Variants in NEBL observed in about 807,000 individuals in gnomAD.
The protein encoded by NEBL is LIM and SH3 protein 2.
Under a neutral mutation model 140.2 loss-of-function variants are expected in NEBL, and 122 were observed. That is an observed-to-expected ratio of 0.87 (90% CI 0.75 to 1.01). The LOEUF is 1.01. Ranked by LOEUF, NEBL falls within the 50% of genes least tolerant of loss-of-function variation. The probability of loss-of-function intolerance (pLI) is 0.00; values close to 1 mark genes in which losing one functional copy is unlikely to be tolerated. For missense variants in NEBL, 1,365 were observed against 1,231.3 expected (o/e 1.11, Z -1.62); for synonymous variants, 436 against 398.9 (o/e 1.09, Z -1.11).
intron 26 of NEBL, among the ~76,000 whole-genome samples, chr10:20,797,069 C>T (rs987705589): frequency 3.9e-5 from 6 of 152,182 alleles, no homozygotes; most frequent in Non-Finnish European, 7.3e-5. Context: ...GACAGAGATG[C>T]TATTTCCACT....
intron 2 of NEBL, among the ~76,000 whole-genome samples, chr10:20,891,627 G>A (rs1387823733): frequency 6.6e-6 from 1 of 152,082 alleles, no homozygotes; most frequent in African/African-American, 2.4e-5. Context: ...TAAGGGTGAG[G>A]TATTTACTTC....
At chr10:20,954,756 G>A (rs987002178) in intron 4 of NEBL, among the ~76,000 whole-genome samples, 1 of 152,160 alleles carries the variant, frequency 6.6e-6, no homozygotes, top group African/African-American at 2.4e-5. Flanking sequence ...AACTTCCCAA[G>A]GCTCTACCCT....
chr10:20,863,031 C>A, intron 7 of NEBL, among the ~76,000 whole-genome samples: 1 of 152,016 alleles, frequency 6.6e-6, no homozygotes, highest in Non-Finnish European at 1.5e-5. Context: ...TAGGATCAAA[C>A]TCCTAGATGT....
chr10:21,192,934 G>A (rs1042646410), intron 3 of NEBL, among the ~76,000 whole-genome samples: 2 of 152,018 alleles, frequency 1.3e-5, no homozygotes, highest in African/African-American at 2.4e-5. Context: ...TACCAATGAC[G>A]TGATGAGAGT....
At chr10:21,204,023 C>T (rs1388194491) in intron 3 of NEBL, among the ~76,000 whole-genome samples, 1 of 152,108 alleles carries the variant, frequency 6.6e-6, no homozygotes, top group African/African-American at 2.4e-5. Flanking sequence ...GAGGCAGACC[C>T]GGAAATCAGG....
At chr10:20,937,374 G>A (rs554323211) in intron 4 of NEBL, among the ~76,000 whole-genome samples, 6 of 152,258 alleles carry the variant, frequency 3.9e-5, no homozygotes, top group East Asian at 3.9e-4. Context: ...ATTCCCATGA[G>A]AGATGTAGGA....
At chr10:20,824,126 A>G (rs1222814794) in intron 18 of NEBL, among the ~76,000 whole-genome samples, 1 of 152,208 alleles carries the variant, frequency 6.6e-6, no homozygotes, top group African/African-American at 2.4e-5. Context: ...TGGTATTTTA[A>G]TATGTCTAAA....
intron 2 of NEBL, among the ~76,000 whole-genome samples, chr10:21,023,035 T>C (rs907332935): frequency 2.0e-5 from 3 of 152,234 alleles, no homozygotes; most frequent in Non-Finnish European, 4.4e-5. Context: ...AACTCTGGTG[T>C]GTTATGTAAT....
intron 8 of NEBL, 93 bp downstream of exon 8, chr10:20,859,620 G>A (rs1843450880): frequency 6.6e-6 from 5 of 753,984 alleles, no homozygotes; most frequent in African/African-American, 1.8e-5. Flanking sequence ...AAATTACTTG[G>A]AAGCTAAGTA....
intron 2 of NEBL, among the ~76,000 whole-genome samples, chr10:21,061,174 T>G (rs1208928561): frequency 6.6e-6 from 1 of 151,098 alleles, no homozygotes; most frequent in Non-Finnish European, 1.5e-5. Context: ...ATATGTATTA[T>G]ATATATCATA....
At chr10:20,908,968 G>C (rs1848214515) in intron 4 of NEBL, among the ~76,000 whole-genome samples, 1 of 152,074 alleles carries the variant, frequency 6.6e-6, no homozygotes, top group South Asian at 2.1e-4. Context: ...ACCAGACACT[G>C]AGATCATAAA....
rs57176129 is a variant in NEBL, at chr10:21,044,397, TAAAAAAAAA to T, written c.165-24205_165-24197del. Among the ~76,000 whole-genome samples the T allele has an allele frequency of 7.5e-4, 26 of 34,864 alleles. No individual in the cohort carries two copies. In the South Asian group the frequency reaches 0.027, roughly 36 times the overall value. The allele number at this position is 34,864 out of a possible 152,430, so 22.9% of individuals were successfully genotyped here. On this transcript the variant is annotated intron_variant, in intron 2 of 6. Coordinates refer to the NEBL transcript ENST00000417816. ...GGGTGACTGGGTGACAGAGTAAGAA[TAAAAAAAAA>T]AAAAAAAAAAAAAAAAAAAAAGCTC...
intron 2 of NEBL, among the ~76,000 whole-genome samples, chr10:21,141,845 C>T (rs562808801): frequency 1.2e-4 from 18 of 152,288 alleles, no homozygotes; most frequent in Admixed American, 4.6e-4. Flanking sequence ...GAGATGTTCA[C>T]GGCAAATACC....
intron 2 of NEBL, among the ~76,000 whole-genome samples, chr10:21,169,064 AAAAATATATATATATATAT>A (rs1840945248): frequency 3.8e-5 from 2 of 52,382 alleles, no homozygotes; most frequent in East Asian, 4.6e-4. Flanking sequence ...AAAAAAAAAA[AAAAATATATATATATATAT>A]ATATATATAT....
chr10:20,941,278 C>T (rs1023074020), intron 4 of NEBL, among the ~76,000 whole-genome samples: 1 of 152,202 alleles, frequency 6.6e-6, no homozygotes, highest in African/African-American at 2.4e-5. Context: ...AAGGCCGGTT[C>T]AACATACGCA....
At chr10:21,080,796 A>T (rs1171514544) in intron 2 of NEBL, among the ~76,000 whole-genome samples, 3 of 152,192 alleles carry the variant, frequency 2.0e-5, no homozygotes, top group Admixed American at 6.5e-5. Context: ...ATTCTGGCTT[A>T]TTCAGATATT....
At chr10:20,792,123 GA>G (rs11286684) in intron 26 of NEBL, among the ~76,000 whole-genome samples, 56,688 of 106,604 alleles carry the variant, frequency 0.53, 11,871 homozygotes, top group East Asian at 0.69. Flanking sequence ...ATTCCAAATA[GA>G]AAAAAAAAAA....
At chr10:20,941,052 T>C (rs1350167299) in intron 4 of NEBL, among the ~76,000 whole-genome samples, 4 of 152,004 alleles carry the variant, frequency 2.6e-5, no homozygotes, top group South Asian at 2.1e-4. Context: ...TTCCAATCAA[T>C]AGAAAAAGAG....
At chr10:20,820,119 A>C (rs575848903) in intron 19 of NEBL, among the ~76,000 whole-genome samples, 2 of 152,164 alleles carry the variant, frequency 1.3e-5, no homozygotes, top group Non-Finnish European at 2.9e-5. Flanking sequence ...GGAGAGTAAC[A>C]AAATCCTGTA....
Sources: gnomAD v4.1 joint callset for allele counts (sites outside exome capture counted in the v4.1 genomes callset) on GRCh38, gnomAD v4.1.1 for gene constraint, MANE v1.5 for transcripts, NCBI Gene and HGNC (gene_info 2026-07-23, HGNC 2026-07-21) for gene names.